FCHSD1: variants seen among roughly 807,000 people sequenced by gnomAD.
FCHSD1 encodes the protein FCH and double SH3 domains 1, also known as F-BAR and double SH3 domains protein 1.
FCHSD1 carries 109 observed loss-of-function variants against 101.3 expected under a neutral mutation model. The observed-to-expected ratio is 1.08, with a 90% CI of 0.92 to 1.26. The LOEUF (loss-of-function observed/expected upper bound fraction) is 1.26. Ranked by LOEUF, FCHSD1 falls within the 50% of genes most tolerant of loss-of-function variation. The probability of loss-of-function intolerance (pLI) is 0.00; values close to 1 mark genes in which losing one functional copy is unlikely to be tolerated. For synonymous variants in FCHSD1, 291 were observed against 356.8 expected (o/e 0.82, Z 2.08); for missense variants, 820 against 895.8 (o/e 0.92, Z 1.08).
In FCHSD1 at chr5:141,644,272, C is replaced by T. The variant is rs912979744; in HGVS notation, c.1809G>A (p.Leu603=). ...GGRVGVFPSL[L]VEELLGPPGP... is the part of the protein sequence containing the mutation. ...CTGGGGGGCCAAGCAGCTCTTCCAC[C>T]AGCAGGGAGGGGAAGACCCCAACAC... The change falls in exon 17 of 20, where the codon CTG becomes CTA. Residue 603 remains leucine (L), a synonymous_variant. Transcript: ENST00000435817. The T allele has an allele frequency of 1.2e-6, 2 of 1,613,542 alleles. No homozygotes were observed. The highest frequency in any genetic ancestry group is 2.7e-5 in the African/African-American group (2 of 75,030).
Position 141,644,696 on chromosome 5 carries a change from C to A in FCHSD1, c.1525-6G>T. 1 of 1,613,838 alleles carries A rather than the reference C, an allele frequency of 6.2e-7. No homozygotes were observed. Among genetic ancestry groups the A allele is most frequent in the Non-Finnish European group, 8.5e-7 (1 of 1,179,762 alleles). ...TCGCCGTGCTGGTTCCGAGCCTGCT[C>A]ACCCAGCAATGTGAACAGATATTAG... On this transcript the variant is annotated splice_polypyrimidine_tract_variant and splice_region_variant and intron_variant, in intron 15 of 19. Coordinates refer to ENST00000435817, the MANE Select transcript of FCHSD1 (RefSeq NM_033449.3).
intron 7 of FCHSD1, 26 bp from the exon 8 acceptor site, chr5:141,648,122 G>A: frequency 6.3e-7 from 1 of 1,588,832 alleles, no homozygotes; most frequent in South Asian, 1.1e-5. Flanking sequence ...GATGTCAATA[G>A]GAAGCCCTAG....
Position 141,641,723 on chromosome 5 carries a change from C to A in FCHSD1, c.1986G>T (p.Met662Ile). The change falls in exon 19 of 20, where the codon ATG becomes ATT. Residue 662 changes from methionine to isoleucine, a missense_variant. Transcript: ENST00000435817. ...TTACCGGCCTGAGTCGAGGTGCCAT[C>A]ATGTCCAGGAACCCAGGGAAGTCCA... Reference protein sequence around the residue: ...KALDFPGFLDMMAPRLRPMRP... With the variant: ...KALDFPGFLDIMAPRLRPMRP... The A allele has an allele frequency of 3.7e-6, 6 of 1,614,054 alleles. No individual in the cohort carries two copies. The highest frequency in any genetic ancestry group is 5.1e-6 in the Non-Finnish European group (6 of 1,179,904).
rs774514082 is a variant in FCHSD1 at position 141,641,541 on chromosome 5, G to A, written c.2030C>T (p.Pro677Leu). 1.9e-5 allele frequency: 29 copies of A among 1,520,172 alleles called. No homozygotes were observed. The highest frequency in any genetic ancestry group is 1.1e-4 in the African/African-American group (8 of 72,238). The allele number at this position is 1,520,172 out of a possible 1,614,324, so 94.2% of individuals were successfully genotyped here. A position where few individuals can be genotyped will look rare whatever the true frequency, so the allele number is the denominator to read the frequency against. ...GTGGCCAGGATCCGGGGCTTTAGCC[G>A]GCGGGGGAGGTGGTGGACGCATCTG... The part of the protein sequence containing the change: ...LRPMRPPPPP[P>L]AKAPDPGHPD... The change falls in exon 20 of 20, where the codon CCG becomes CTG. Residue 677 changes from proline to leucine, a missense_variant. Coordinates refer to ENST00000435817, the MANE Select transcript of FCHSD1 (RefSeq NM_033449.3).
Position 141,649,127 on chromosome 5 carries a change from T to C in FCHSD1, c.512+45A>G. On this transcript the variant is annotated intron_variant, in intron 6 of 19. Coordinates refer to ENST00000435817, the MANE Select transcript of FCHSD1 (RefSeq NM_033449.3). This position sits in a 1 kb window ranked among gnomAD's most constrained non-coding sequence, Gnocchi z 4.1. Reference sequence around the variant, plus strand: ...GGCTCCACCCCTAGACAGCCCCACCTCCCTGTTCCCCAACCTTGGGCTTCC... The same window carrying C: ...GGCTCCACCCCTAGACAGCCCCACCCCCCTGTTCCCCAACCTTGGGCTTCC... The C allele has an allele frequency of 6.2e-7, 1 of 1,613,642 alleles. No individual in the cohort carries two copies. Among genetic ancestry groups the C allele is most frequent in the South Asian group, 1.1e-5 (1 of 91,080 alleles).
intron 1 of FCHSD1, 32 bp downstream of exon 1, chr5:141,651,316 C>T (rs1170815690): frequency 1.9e-6 from 3 of 1,552,654 alleles, no homozygotes; most frequent in Non-Finnish European, 2.6e-6. Context: ...TCCCCCAGCC[C>T]GCCAGGAGTC....
Position 141,640,187 on chromosome 5 carries a change from A to G in FCHSD1, c.*1311T>C, listed in dbSNP as rs764086935. On this transcript the variant is annotated 3_prime_UTR_variant, in exon 20 of 20. Transcript: ENST00000435817. ...CTCGTGCACTTGAAGGGAACCCCAG[A>G]GCTTCTGCAGAGCCAACACTGAGGG... The G allele has an allele frequency of 4.3e-6, 7 of 1,614,018 alleles. No individual in the cohort carries two copies. Among genetic ancestry groups the G allele is most frequent in the Non-Finnish European group, 4.2e-6 (5 of 1,179,998 alleles).
rs1475267613 is a variant in FCHSD1, at chr5:141,644,201, G to A, written c.1863+17C>T. On this transcript the variant is annotated intron_variant, in intron 17 of 19. Coordinates refer to ENST00000435817, the MANE Select transcript of FCHSD1 (RefSeq NM_033449.3). ...CCCAGAGGTGCCTGGGGAGTTCAGGGAGAAGGTAAGCCTCACCTGTTCAGG... is the reference window on the plus strand; with the variant it reads ...CCCAGAGGTGCCTGGGGAGTTCAGGAAGAAGGTAAGCCTCACCTGTTCAGG... The A allele has an allele frequency of 6.3e-7, 1 of 1,599,730 alleles. No individual in the cohort carries two copies. Among genetic ancestry groups the A allele is most frequent in the South Asian group, 1.1e-5 (1 of 89,130 alleles).
chr5:141,644,092 G>T, intron 17 of FCHSD1, 126 bp downstream of exon 17: 2 of 939,200 alleles, frequency 2.1e-6, no homozygotes, highest in South Asian at 1.8e-5. Context: ...GAGATGGGAG[G>T]CCCAGGCCAC....
At chr5:141,646,300 T>C in intron 11 of FCHSD1, 109 bp from the exon 12 acceptor site, 1 of 1,111,302 alleles carries the variant, frequency 9.0e-7, no homozygotes, top group Middle Eastern at 1.9e-4. Flanking sequence ...CATTTAATCT[T>C]CCCTATGAGG....
At chr5:141,646,006 C>T in intron 12 of FCHSD1, 74 bp from the exon 13 acceptor site, 1 of 1,540,060 alleles carries the variant, frequency 6.5e-7, no homozygotes, top group African/African-American at 1.4e-5. Context: ...CCCTTCCTTC[C>T]TCCCACCATC....
At chr5:141,650,574 C>T (rs1562394349) in intron 2 of FCHSD1, among the ~76,000 whole-genome samples, 170 bp from the exon 3 acceptor site, 1 of 151,968 alleles carries the variant, frequency 6.6e-6, no homozygotes. Flanking sequence ...CTTGAGATCA[C>T]CTCGGGCAGC....
At position 141,646,872 on chromosome 5, in the gene FCHSD1, C is replaced by CA; in HGVS notation, c.925-151dup. On this transcript the variant is annotated intron_variant, in intron 10 of 19. Coordinates refer to ENST00000435817, the MANE Select transcript of FCHSD1 (RefSeq NM_033449.3). Reference sequence around the variant, plus strand: ...GTCATGGACACAGGTAATGTGGACACAGAGATACAGAGCTTCAGAAATGGG... The same window carrying CA: ...GTCATGGACACAGGTAATGTGGACACAAGAGATACAGAGCTTCAGAAATGGG... 3 of 1,240,680 alleles carry CA rather than the reference C, an allele frequency of 2.4e-6. No individual in the cohort carries two copies. In the Admixed American group the frequency reaches 8.2e-5, roughly 34 times the overall value. The allele number at this position is 1,240,680 out of a possible 1,614,324, so 76.9% of individuals were successfully genotyped here.
intron 18 of FCHSD1, 87 bp from the exon 19 acceptor site, chr5:141,641,844 A>G (rs540865557): frequency 1.6e-4 from 219 of 1,348,744 alleles, no homozygotes; most frequent in Non-Finnish European, 2.1e-4. Context: ...CATTCTATAA[A>G]TATTTGTTAA....
At chr5:141,641,873 A>T (rs2099906940) in intron 18 of FCHSD1, 116 bp from the exon 19 acceptor site, 1 of 1,052,240 alleles carries the variant, frequency 9.5e-7, no homozygotes, top group South Asian at 1.4e-5. Context: ...TCACCATCCT[A>T]GACCATAAAA....
rs1206884380 is a variant in FCHSD1 at position 141,642,679 on chromosome 5, A to G, written c.1951+322T>C. ...TTTAAAATAATAACAGTGACTGCAT[A>G]CTTACTGTGTGCCAGGCACAATGCT... is the stretch of plus-strand genomic sequence containing the variant. On this transcript the variant is annotated intron_variant, in intron 18 of 19. Transcript: ENST00000435817. 4 of 548,202 alleles carry G rather than the reference A, an allele frequency of 7.3e-6. No individual in the cohort carries two copies. In the African/African-American group the frequency reaches 7.9e-5, roughly 11 times the overall value. 34.0% of individuals were successfully genotyped at this position (548,202 alleles called of 1,614,324 possible). A position where few individuals can be genotyped will look rare whatever the true frequency, so the allele number is the denominator to read the frequency against.
At chr5:141,642,570 AAAT>A in intron 18 of FCHSD1, 1 of 553,122 alleles carries the variant, frequency 1.8e-6, no homozygotes, top group Non-Finnish European at 3.2e-6. Flanking sequence ...GCATCAGAAA[AAAT>A]AATGATACAA....
In FCHSD1 at chr5:141,641,510, AT is replaced by A. The variant is rs1299490953; in HGVS notation, c.2060del (p.Asp687ValfsTer14). 6.7e-7 allele frequency: 1 copy of A among 1,503,178 alleles called. No individual in the cohort carries two copies. Among genetic ancestry groups the A allele is most frequent in the South Asian group, 1.4e-5 (1 of 72,700 alleles). The allele number at this position is 1,503,178 out of a possible 1,614,324, so 93.1% of individuals were successfully genotyped here. A position where few individuals can be genotyped will look rare whatever the true frequency, so the allele number is the denominator to read the frequency against. ...GCTTCCCTGGCCTTCAGGTGAGGGGATCTGGGTGGCCAGGATCCGGGGCTTT... is the reference window on the plus strand; with the variant it reads ...GCTTCCCTGGCCTTCAGGTGAGGGGACTGGGTGGCCAGGATCCGGGGCTTT... ...PAKAPDPGHP[D>X]PLT is the part of the protein sequence containing the mutation. On this transcript the variant is annotated frameshift_variant, in exon 20 of 20. Coordinates refer to ENST00000435817, the MANE Select transcript of FCHSD1 (RefSeq NM_033449.3). LOFTEE classifies it high-confidence loss of function.
At position 141,640,004 on chromosome 5, in the gene FCHSD1, T is replaced by G. The variant is rs758102055; in HGVS notation, c.*1494A>C. 3 of 1,613,372 alleles carry G rather than the reference T, an allele frequency of 1.9e-6. No homozygotes were observed. Among genetic ancestry groups the G allele is most frequent in the Non-Finnish European group, 2.5e-6 (3 of 1,179,714 alleles). On this transcript the variant is annotated 3_prime_UTR_variant, in exon 20 of 20. Transcript: ENST00000435817. ...CCACAGACAGGAGCTGGGGCTCTGG[T>G]GGGGGACAGGACCCAGGGGGTGGTC...
Sources: allele counts gnomAD v4.1 joint callset (sites outside exome capture counted in the v4.1 genomes callset), GRCh38; gene constraint gnomAD v4.1.1; non-coding constraint Gnocchi (gnomAD v3.1); transcripts MANE v1.5; gene names NCBI Gene and HGNC (gene_info 2026-07-23, HGNC 2026-07-21).